FHIT: variants seen among roughly 807,000 people sequenced by gnomAD.
FHIT encodes the protein fragile histidine triad diadenosine triphosphatase, also known as bis(5'-adenosyl)-triphosphatase.
In FHIT, 19 loss-of-function variants were observed where a neutral mutation model predicts 17.9. The ratio of observed to expected loss-of-function variants is 1.06; its 90% CI spans 0.74 to 1.56. The LOEUF is 1.56. Among genes scored for constraint, FHIT ranks in the 40% most tolerant of loss-of-function variants. The pLI, the probability that FHIT is intolerant of heterozygous loss-of-function variation, is 0.00. For missense variants in FHIT, 248 were observed against 189.2 expected, an observed-to-expected ratio of 1.31 and a Z score of -1.82; for synonymous variants, 81 against 69.7, an observed-to-expected ratio of 1.16 and a Z score of -0.81.
intron 5 of FHIT, among the ~76,000 whole-genome samples, chr3:60,287,458 C>A (rs1456830111): frequency 6.6e-6 from 1 of 152,182 alleles, no homozygotes; most frequent in East Asian, 1.9e-4. Flanking sequence ...CATGAGCCAC[C>A]ACACCCAGCC....
intron 4 of FHIT, among the ~76,000 whole-genome samples, chr3:60,768,820 C>T (rs1002784371): frequency 8.5e-5 from 13 of 152,264 alleles, no homozygotes; most frequent in South Asian, 2.1e-4. Context: ...AAAATTGCCC[C>T]GCAAACTGCC....
At chr3:59,978,679 C>G (rs889297391) in intron 7 of FHIT, among the ~76,000 whole-genome samples, 2 of 148,924 alleles carry the variant, frequency 1.3e-5, no homozygotes, top group Non-Finnish European at 3.0e-5. Flanking sequence ...TACTGCAAAA[C>G]TATGTGCATA....
At chr3:60,063,470 C>T (rs1018743342) in intron 5 of FHIT, among the ~76,000 whole-genome samples, 3 of 152,184 alleles carry the variant, frequency 2.0e-5, no homozygotes, top group Non-Finnish European at 4.4e-5. Context: ...ATGTTTACCA[C>T]AGCTCATCTG....
At chr3:60,331,762 C>T (rs1181850114) in intron 5 of FHIT, among the ~76,000 whole-genome samples, 1 of 151,692 alleles carries the variant, frequency 6.6e-6, no homozygotes, top group Admixed American at 6.6e-5. Context: ...AGGAGAATCA[C>T]TTGAACCCAG....
At chr3:60,852,754 A>T (rs1460271332) in intron 3 of FHIT, among the ~76,000 whole-genome samples, 1 of 152,114 alleles carries the variant, frequency 6.6e-6, no homozygotes, top group Non-Finnish European at 1.5e-5. Context: ...CTGTAATCTC[A>T]GTACTTTGGG....
intron 5 of FHIT, among the ~76,000 whole-genome samples, chr3:60,057,086 G>C (rs1702112585): frequency 6.6e-6 from 1 of 152,102 alleles, no homozygotes; most frequent in Non-Finnish European, 1.5e-5. Flanking sequence ...GTCCTGGGTG[G>C]AACTTCTGGG....
chr3:60,871,785 C>A (rs1704427574), intron 3 of FHIT, among the ~76,000 whole-genome samples: 1 of 152,014 alleles, frequency 6.6e-6, no homozygotes, highest in Admixed American at 6.6e-5. Context: ...AGGCACACAC[C>A]ACCATACCCA....
intron 6 of FHIT, among the ~76,000 whole-genome samples, chr3:60,012,129 C>A (rs1331331161): frequency 6.6e-6 from 1 of 152,040 alleles, no homozygotes; most frequent in Non-Finnish European, 1.5e-5. Context: ...TGAGAACTCC[C>A]GCCGTAAGGA....
intron 5 of FHIT, among the ~76,000 whole-genome samples, chr3:60,368,095 T>G (rs1024985366): frequency 6.6e-6 from 1 of 151,896 alleles, no homozygotes; most frequent in Non-Finnish European, 1.5e-5. Flanking sequence ...GTAAAGTGAC[T>G]ATGAACATTT....
intron 5 of FHIT, among the ~76,000 whole-genome samples, chr3:60,499,128 G>A (rs1035780752): frequency 4.6e-5 from 7 of 152,160 alleles, no homozygotes; most frequent in African/African-American, 2.4e-5. Context: ...CCCATTCACT[G>A]TTTCTACAGA....
intron 5 of FHIT, among the ~76,000 whole-genome samples, chr3:60,121,879 CTA>C (rs1360026512): frequency 6.6e-6 from 1 of 152,078 alleles, no homozygotes; most frequent in Non-Finnish European, 1.5e-5. Context: ...GCCTCTAATT[CTA>C]TGAGACATTT....
At chr3:61,013,055 T>C (rs1258725054) in intron 3 of FHIT, among the ~76,000 whole-genome samples, 1 of 152,142 alleles carries the variant, frequency 6.6e-6, no homozygotes, top group African/African-American at 2.4e-5. Context: ...TATTTAACAA[T>C]TTTTAAATGT....
intron 5 of FHIT, among the ~76,000 whole-genome samples, chr3:60,032,578 G>C (rs1016921698): frequency 3.3e-5 from 5 of 152,296 alleles, no homozygotes; most frequent in African/African-American, 1.2e-4. Flanking sequence ...AAAGTGTGAC[G>C]GGAAACTTTA....
chr3:60,291,948 A>G (rs1029636581), intron 5 of FHIT, among the ~76,000 whole-genome samples: 1 of 152,092 alleles, frequency 6.6e-6, no homozygotes, highest in Non-Finnish European at 1.5e-5. Flanking sequence ...CCATATCTTG[A>G]TTTCAGATTT....
chr3:60,544,719 C>A (rs2036305504), intron 4 of FHIT, among the ~76,000 whole-genome samples: 1 of 151,764 alleles, frequency 6.6e-6, no homozygotes, highest in Admixed American at 6.6e-5. Flanking sequence ...GCCTCAGCCT[C>A]CCAAGTAGCT....
chr3:60,932,802 G>A (rs1708026436), intron 3 of FHIT, among the ~76,000 whole-genome samples: 1 of 151,982 alleles, frequency 6.6e-6, no homozygotes, highest in Non-Finnish European at 1.5e-5. Context: ...CTTTCTGCTG[G>A]AGAAAGGAGG....
chr3:60,282,073 G>C (rs1181903632), intron 5 of FHIT, among the ~76,000 whole-genome samples: 1 of 152,114 alleles, frequency 6.6e-6, no homozygotes, highest in African/African-American at 2.4e-5. Flanking sequence ...TGGTAAAATG[G>C]TATAGCCACT....
chr3:60,930,934 A>C (rs28884878), intron 3 of FHIT, among the ~76,000 whole-genome samples: 7,570 of 152,292 alleles, frequency 0.05, 287 homozygotes, highest in Admixed American at 0.11. Flanking sequence ...TTGCGGCACT[A>C]TTTACAATAG....
chr3:59,982,538 C>CTGG (rs1277174773), intron 7 of FHIT, among the ~76,000 whole-genome samples: 2 of 152,148 alleles, frequency 1.3e-5, no homozygotes, highest in African/African-American at 2.4e-5. Context: ...CAGCTAAGAT[C>CTGG]AAGTGTAATA....
Sources: gnomAD v4.1 joint callset for allele counts (sites outside exome capture counted in the v4.1 genomes callset) on GRCh38, gnomAD v4.1.1 for gene constraint, MANE v1.5 for transcripts, NCBI Gene and HGNC (gene_info 2026-07-23, HGNC 2026-07-21) for gene names.